The following MEGF11 variants were observed in gnomAD, a reference collection of about 807,000 sequenced individuals.
MEGF11 encodes multiple EGF like domains 11.
MEGF11 carries 126 observed loss-of-function variants against 146.6 expected under a neutral mutation model. The observed-to-expected ratio is 0.86, with a 90% CI of 0.74 to 1.00. The LOEUF is 1.00. Among genes scored for constraint, MEGF11 ranks in the 50% least tolerant of loss-of-function variants. MEGF11 has a pLI of 0.00. For synonymous variants in MEGF11, 532 were observed against 583.4 expected (o/e 0.91, Z 1.27); for missense variants, 1,509 against 1,521.2 (o/e 0.99, Z 0.13).
At chr15:65,901,432 A>G (rs2078492331) in intron 24 of MEGF11, among the ~76,000 whole-genome samples, 1 of 152,114 alleles carries the variant, frequency 6.6e-6, no homozygotes, top group African/African-American at 2.4e-5. Context: ...TGCAGAAAGG[A>G]CTATTACTAC....
intron 5 of MEGF11, among the ~76,000 whole-genome samples, chr15:65,992,448 T>TGGGGG (rs1245633236): frequency 3.5e-5 from 1 of 28,248 alleles, no homozygotes; most frequent in South Asian, 1.6e-3. Flanking sequence ...TGTGTGTGTG[T>TGGGGG]GTGGGGGGGG....
chr15:66,209,028 C>T (rs1468566927), intron 1 of MEGF11, among the ~76,000 whole-genome samples: 1 of 152,148 alleles, frequency 6.6e-6, no homozygotes, highest in African/African-American at 2.4e-5. Flanking sequence ...TACAGCTACT[C>T]TGGAAAATAG....
Position 66,115,101 on chromosome 15 carries a change from C to A in MEGF11, c.301+3985G>T, listed in dbSNP as rs74021615. Among the ~76,000 whole-genome samples, 563 of 152,324 alleles carry A rather than the reference C, an allele frequency of 3.7e-3. 5 individuals are homozygous for A. Among genetic ancestry groups the A allele is most frequent in the African/African-American group, 0.013 (540 of 41,568 alleles). On this transcript the variant is annotated intron_variant, in intron 4 of 25. Transcript: ENST00000395614. ...TTGTCAGCCTGCAAGAAACAAGGCTCCCAGAAGGTGACTCTGAAGGGAAGA... is the reference window on the plus strand; with the variant it reads ...TTGTCAGCCTGCAAGAAACAAGGCTACCAGAAGGTGACTCTGAAGGGAAGA...
At chr15:66,208,097 A>G (rs562631955) in intron 1 of MEGF11, among the ~76,000 whole-genome samples, 33 of 152,266 alleles carry the variant, frequency 2.2e-4, no homozygotes, top group Non-Finnish European at 1.8e-4. Context: ...AAAAAAAAAA[A>G]AAAAGAAGAA....
At chr15:66,091,380 C>T (rs2086315559) in intron 5 of MEGF11, among the ~76,000 whole-genome samples, 1 of 152,216 alleles carries the variant, frequency 6.6e-6, no homozygotes, top group Admixed American at 6.5e-5. Context: ...CTCACTTTTC[C>T]CTATGAACAA....
At chr15:66,125,738 T>C (rs1031954318) in intron 2 of MEGF11, among the ~76,000 whole-genome samples, 4 of 152,238 alleles carry the variant, frequency 2.6e-5, no homozygotes, top group African/African-American at 9.6e-5. Context: ...TGCTAGGCAC[T>C]GAAGGATCTT....
chr15:66,084,151 G>C (rs924244966), intron 5 of MEGF11, among the ~76,000 whole-genome samples: 2 of 152,150 alleles, frequency 1.3e-5, no homozygotes, highest in Non-Finnish European at 2.9e-5. Context: ...ATCTAGGTTT[G>C]ACTACCATCG....
chr15:66,059,280 T>G (rs1176294317), intron 5 of MEGF11, among the ~76,000 whole-genome samples: 1 of 152,124 alleles, frequency 6.6e-6, no homozygotes, highest in African/African-American at 2.4e-5. Flanking sequence ...CTAACCTAAG[T>G]CTTTGTTGCA....
chr15:66,147,303 C>T (rs2089410623), intron 1 of MEGF11, among the ~76,000 whole-genome samples: 2 of 152,228 alleles, frequency 1.3e-5, no homozygotes, highest in Admixed American at 6.5e-5. Context: ...CCCTTGCCAG[C>T]CTCCTCCCAG....
intron 5 of MEGF11, among the ~76,000 whole-genome samples, chr15:66,064,593 C>T (rs138661482): frequency 1.4e-4 from 21 of 151,564 alleles, no homozygotes; most frequent in African/African-American, 4.3e-4. Context: ...TCTCAGCTCA[C>T]TGCAGCCGCC....
intron 10 of MEGF11, among the ~76,000 whole-genome samples, chr15:65,954,582 G>GT (rs1320769453): frequency 2.0e-5 from 3 of 152,212 alleles, no homozygotes; most frequent in Non-Finnish European, 2.9e-5. Context: ...AATTCGCTGG[G>GT]TCTCACCAGG....
chr15:66,156,213 G>A (rs1471055674), intron 1 of MEGF11, among the ~76,000 whole-genome samples: 2 of 152,102 alleles, frequency 1.3e-5, no homozygotes, highest in African/African-American at 2.4e-5. Flanking sequence ...GCCTGGAAGT[G>A]AATGTCCAGG....
At chr15:66,022,178 C>G (rs1335962736) in intron 5 of MEGF11, among the ~76,000 whole-genome samples, 3 of 152,236 alleles carry the variant, frequency 2.0e-5, no homozygotes, top group Admixed American at 2.0e-4. Flanking sequence ...TTCCTGCAGA[C>G]AGAGCCTGCA....
At chr15:66,110,228 G>A (rs886933266) in intron 4 of MEGF11, among the ~76,000 whole-genome samples, 1 of 152,188 alleles carries the variant, frequency 6.6e-6, no homozygotes, top group African/African-American at 2.4e-5. Context: ...TTTATTGAGG[G>A]CCTGACAAGC....
At chr15:66,231,666 GCTCACACCAGCTT>G in intron 1 of MEGF11, among the ~76,000 whole-genome samples, 1 of 152,206 alleles carries the variant, frequency 6.6e-6, no homozygotes, top group East Asian at 1.9e-4. Context: ...ACCCTTTTGT[GCTCACACCAGCTT>G]CTCTGGCAGC....
intron 15 of MEGF11, chr15:65,921,855 G>C (rs1446088176): frequency 6.3e-6 from 1 of 159,678 alleles, no homozygotes; most frequent in Non-Finnish European, 1.4e-5. Context: ...GAAGGATTCT[G>C]AGGTCAAGTC....
intron 4 of MEGF11, among the ~76,000 whole-genome samples, chr15:66,099,204 CTTTTTT>C (rs10683767): frequency 1.1e-4 from 12 of 105,854 alleles, no homozygotes; most frequent in African/African-American, 3.9e-4. Flanking sequence ...CCTCCTTTTT[CTTTTTT>C]TTTTTTTTTT....
At chr15:66,240,009 T>A (rs2092177321) in intron 1 of MEGF11, among the ~76,000 whole-genome samples, 2 of 152,328 alleles carry the variant, frequency 1.3e-5, no homozygotes, top group African/African-American at 4.8e-5. Context: ...CTTTCTTTTC[T>A]CCCGAAGTGG....
chr15:66,177,873 C>T (rs934154386), intron 1 of MEGF11, among the ~76,000 whole-genome samples: 2 of 151,980 alleles, frequency 1.3e-5, no homozygotes, highest in African/African-American at 4.8e-5. Flanking sequence ...TTAGTAGAGA[C>T]GGGGTTTCGC....
Sources: allele counts gnomAD v4.1 joint callset (sites outside exome capture counted in the v4.1 genomes callset), GRCh38; gene constraint gnomAD v4.1.1; transcripts MANE v1.5; gene names NCBI Gene and HGNC (gene_info 2026-07-23, HGNC 2026-07-21).